CDH13: variants seen among roughly 807,000 people sequenced by gnomAD.
CDH13 encodes cadherin 13.
A neutral mutation model predicts 63.8 loss-of-function variants in CDH13; 24 were observed. The ratio of observed to expected loss-of-function variants is 0.38; its 90% CI spans 0.27 to 0.53. CDH13 has a LOEUF of 0.53. Among genes scored for constraint, CDH13 ranks in the 20% least tolerant of loss-of-function variants. The probability of loss-of-function intolerance (pLI) is 0.85; values close to 1 mark genes in which losing one functional copy is unlikely to be tolerated. For missense variants in CDH13, 1,049 were observed against 903.1 expected (o/e 1.16, Z -2.07); for synonymous variants, 503 against 355.3 (o/e 1.42, Z -4.67).
intron 5 of CDH13, among the ~76,000 whole-genome samples, chr16:83,304,396 G>A (rs2089825888): frequency 6.6e-6 from 1 of 152,128 alleles, no homozygotes; most frequent in South Asian, 2.1e-4. Flanking sequence ...TGGTTAAGTG[G>A]GTGGGTTGGG....
intron 8 of CDH13, among the ~76,000 whole-genome samples, chr16:83,652,993 C>T (rs539079507): frequency 3.7e-4 from 56 of 152,298 alleles, no homozygotes; most frequent in Admixed American, 3.2e-3. Context: ...TACTGATCCA[C>T]GCTACAGTGT....
At chr16:83,133,433 T>G (rs534062575) in intron 4 of CDH13, among the ~76,000 whole-genome samples, 1 of 152,174 alleles carries the variant, frequency 6.6e-6, no homozygotes, top group Admixed American at 6.5e-5. Flanking sequence ...ATTATTAATA[T>G]GGCTCACGTA....
At chr16:83,617,379 A>C (rs1342099102) in intron 8 of CDH13, among the ~76,000 whole-genome samples, 1 of 152,076 alleles carries the variant, frequency 6.6e-6, no homozygotes, top group Non-Finnish European at 1.5e-5. Flanking sequence ...TTCTATTCTA[A>C]TATGCACATA....
chr16:83,132,453 C>CCCCCCCCCT (rs1491296907), intron 4 of CDH13, among the ~76,000 whole-genome samples: 1 of 92,924 alleles, frequency 1.1e-5, no homozygotes, highest in Non-Finnish European at 2.1e-5. Flanking sequence ...ACACCCCCCC[C>CCCCCCCCCT]TTTTTTTTTT....
At chr16:83,361,334 C>G (rs1040065719) in intron 6 of CDH13, among the ~76,000 whole-genome samples, 2 of 152,216 alleles carry the variant, frequency 1.3e-5, no homozygotes. Flanking sequence ...AGATGCTGGA[C>G]TTCCATCAGA....
chr16:83,562,693 C>T (rs1050460690), intron 7 of CDH13, among the ~76,000 whole-genome samples: 2 of 152,160 alleles, frequency 1.3e-5, no homozygotes, highest in African/African-American at 4.8e-5. Context: ...GTCTGTTACC[C>T]ACATGGAGGG....
At chr16:83,050,573 T>G (rs1481648958) in intron 3 of CDH13, among the ~76,000 whole-genome samples, 2 of 152,184 alleles carry the variant, frequency 1.3e-5, no homozygotes, top group Non-Finnish European at 2.9e-5. Flanking sequence ...CTGTCTTGAT[T>G]TTCCTTTGCT....
chr16:83,319,525 G>C (rs1041220756), intron 5 of CDH13, among the ~76,000 whole-genome samples: 26 of 152,208 alleles, frequency 1.7e-4, no homozygotes, highest in Non-Finnish European at 3.2e-4. Context: ...TCGGAGAACA[G>C]TAAATCACGA....
At chr16:82,984,458 C>T (rs1448987600) in intron 2 of CDH13, among the ~76,000 whole-genome samples, 1 of 152,332 alleles carries the variant, frequency 6.6e-6, no homozygotes, top group East Asian at 1.9e-4. Context: ...TATTCAACTT[C>T]TCAGAACCTC....
intron 7 of CDH13, among the ~76,000 whole-genome samples, chr16:83,542,651 G>T (rs2075315237): frequency 6.6e-6 from 1 of 152,196 alleles, no homozygotes; most frequent in South Asian, 2.1e-4. Flanking sequence ...ATCCTTCCTT[G>T]TGTCTTCCAG....
chr16:83,077,696 G>C (rs970546159), intron 3 of CDH13, among the ~76,000 whole-genome samples: 1 of 152,150 alleles, frequency 6.6e-6, no homozygotes, highest in African/African-American at 2.4e-5. Context: ...TCTGTGTATA[G>C]ACCTGTTTTT....
chr16:83,710,055 T>G (rs1383868576), intron 10 of CDH13: 1 of 152,252 alleles, frequency 6.6e-6, no homozygotes, highest in African/African-American at 2.4e-5. Flanking sequence ...TGTCAGTGTC[T>G]AGAACATTTC....
intron 8 of CDH13, among the ~76,000 whole-genome samples, chr16:83,622,995 G>A (rs1909952556): frequency 1.3e-5 from 2 of 152,198 alleles, no homozygotes; most frequent in African/African-American, 4.8e-5. Flanking sequence ...AATTCAGAGT[G>A]CTTTGGGAAC....
chr16:83,070,055 C>G (rs536903693), intron 3 of CDH13, among the ~76,000 whole-genome samples: 1 of 152,044 alleles, frequency 6.6e-6, no homozygotes, highest in South Asian at 2.1e-4. Flanking sequence ...CTTGATGCTT[C>G]TCTAGATAGA....
intron 5 of CDH13, among the ~76,000 whole-genome samples, chr16:83,226,028 TAAAAA>T (rs1452556207): frequency 3.3e-5 from 5 of 152,102 alleles, no homozygotes; most frequent in African/African-American, 9.7e-5. Flanking sequence ...CACAAACACT[TAAAAA>T]TAGGAATTCT....
chr16:83,519,037 C>G (rs4782808), intron 7 of CDH13, among the ~76,000 whole-genome samples: 77,770 of 152,040 alleles, frequency 0.51, 20,834 homozygotes, highest in African/African-American at 0.67. Flanking sequence ...ATCCTAGGCA[C>G]CTGGTTCTCA....
chr16:83,081,655 C>T (rs1175827449), intron 3 of CDH13, among the ~76,000 whole-genome samples: 2 of 152,044 alleles, frequency 1.3e-5, no homozygotes, highest in African/African-American at 4.8e-5. Flanking sequence ...GGTTCACAGA[C>T]AGCTGCCTTT....
chr16:83,057,694 C>T (rs76589718), intron 3 of CDH13, among the ~76,000 whole-genome samples: 7,483 of 152,058 alleles, frequency 0.049, 283 homozygotes, highest in Admixed American at 0.13. Flanking sequence ...TGGCCATTCC[C>T]TTTGACCTGA....
chr16:82,908,393 C>T (rs1219503005), intron 2 of CDH13, among the ~76,000 whole-genome samples: 3 of 152,116 alleles, frequency 2.0e-5, no homozygotes, highest in South Asian at 4.2e-4. Context: ...GGGTGCAGCT[C>T]ATGGAACACT....
Sources: gnomAD v4.1 joint callset for allele counts (sites outside exome capture counted in the v4.1 genomes callset) on GRCh38, gnomAD v4.1.1 for gene constraint, MANE v1.5 for transcripts, NCBI Gene and HGNC (gene_info 2026-07-23, HGNC 2026-07-21) for gene names.